Variants in NTN4 observed in about 807,000 individuals in gnomAD.
NTN4 encodes netrin-4.
NTN4 carries 32 observed loss-of-function variants against 73.6 expected under a neutral mutation model. That is an observed-to-expected ratio of 0.44 (90% CI 0.33 to 0.58). The LOEUF is 0.58. Among genes scored for constraint, NTN4 ranks in the 20% least tolerant of loss-of-function variants. The probability of loss-of-function intolerance (pLI) is 0.04; values close to 1 mark genes in which losing one functional copy is unlikely to be tolerated. For synonymous variants in NTN4, 258 were observed against 287.5 expected (o/e 0.90, Z 1.04); for missense variants, 654 against 798.3 (o/e 0.82, Z 2.18).
At chr12:95,738,382 T>A (rs1014838207) in intron 2 of NTN4, among the ~76,000 whole-genome samples, 1 of 152,148 alleles carries the variant, frequency 6.6e-6, no homozygotes, top group African/African-American at 2.4e-5. Flanking sequence ...GACCTGACCC[T>A]TGAGATAAAG....
At chr12:95,683,793 G>T in intron 5 of NTN4, 82 bp from the exon 6 acceptor site, 2 of 1,067,168 alleles carry the variant, frequency 1.9e-6, no homozygotes, top group Non-Finnish European at 2.8e-6. Flanking sequence ...TCCCCAAGTG[G>T]CTTCCCTTCA....
intron 8 of NTN4, among the ~76,000 whole-genome samples, chr12:95,668,322 A>G (rs1217689723): frequency 1.3e-5 from 2 of 152,194 alleles, no homozygotes; most frequent in Non-Finnish European, 2.9e-5. Context: ...TTGTAAATTC[A>G]GAGAGCTACC....
At chr12:95,684,223 A>G (rs1467447221) in intron 5 of NTN4, among the ~76,000 whole-genome samples, 1 of 152,142 alleles carries the variant, frequency 6.6e-6, no homozygotes, top group African/African-American at 2.4e-5. Context: ...AGTGAGAGGG[A>G]AACCCAGTGG....
At chr12:95,761,497 AT>A in intron 2 of NTN4, among the ~76,000 whole-genome samples, 1 of 151,464 alleles carries the variant, frequency 6.6e-6, no homozygotes, top group African/African-American at 2.4e-5. Flanking sequence ...TGCCCAGCTA[AT>A]TTTTTTGTAT....
At chr12:95,732,696 G>C (rs1248135865) in intron 3 of NTN4, among the ~76,000 whole-genome samples, 1 of 152,120 alleles carries the variant, frequency 6.6e-6, no homozygotes, top group African/African-American at 2.4e-5. Context: ...ACCGTACCCA[G>C]CCTGAAGAGC....
At chr12:95,749,946 TACCCCTCAACCCCTTCTCCTTCACCCTTA>T (rs2078892160) in intron 2 of NTN4, among the ~76,000 whole-genome samples, 4 of 141,154 alleles carry the variant, frequency 2.8e-5, no homozygotes, top group Non-Finnish European at 4.7e-5. Context: ...GAGGGGCAAG[TACCCCTCAACCCCTTCTCCTTCACCCTTA>T]GTGGCAAGTC....
intron 3 of NTN4, among the ~76,000 whole-genome samples, chr12:95,715,802 C>T (rs1313756598): frequency 6.6e-6 from 1 of 152,012 alleles, no homozygotes; most frequent in Non-Finnish European, 1.5e-5. Context: ...AGTGTTCTCT[C>T]TCATCATGAA....
Position 95,710,326 on chromosome 12 carries a change from G to A in NTN4, c.1180+115C>T, listed in dbSNP as rs1592678753. Reference sequence around the variant, plus strand: ...TGAAGAAATTAACCGATATCTGTGAGTGTGTTATCTCAGAACCTCAATGAC... The same window carrying A: ...TGAAGAAATTAACCGATATCTGTGAATGTGTTATCTCAGAACCTCAATGAC... On this transcript the variant is annotated intron_variant, in intron 5 of 9. Transcript: ENST00000343702. 3.4e-5 allele frequency: 26 copies of A among 760,574 alleles called. No homozygotes were observed. In the South Asian group the frequency reaches 5.6e-4, roughly 16 times the overall value. The allele number at this position is 760,574 out of a possible 1,614,324, so 47.1% of individuals were successfully genotyped here. A position where few individuals can be genotyped will look rare whatever the true frequency, so the allele number is the denominator to read the frequency against.
At chr12:95,788,146 A>G (rs4762245) in intron 1 of NTN4, among the ~76,000 whole-genome samples, 88,261 of 151,978 alleles carry the variant, frequency 0.58, 27,608 homozygotes, top group East Asian at 0.83. Flanking sequence ...CTAACATTAC[A>G]TAAACATAAC....
chr12:95,714,002 T>C (rs190371240), intron 3 of NTN4, among the ~76,000 whole-genome samples: 2 of 152,294 alleles, frequency 1.3e-5, no homozygotes, highest in African/African-American at 4.8e-5. Context: ...TTGAATGTAT[T>C]TTCTAGAAGT....
At position 95,781,603 on chromosome 12, in the gene NTN4, T is replaced by G. The variant is rs376598497; in HGVS notation, c.585+5336A>C. Among the ~76,000 whole-genome samples the G allele has an allele frequency of 5.3e-5, 8 of 152,182 alleles. No individual in the cohort carries two copies. In the South Asian group the frequency reaches 1.7e-3, roughly 32 times the overall value. ...CCTGCACATGCTGCACATGTACCCC[T>G]GCACTTAAAAGTTGGAAGAAAAAAG... On this transcript the variant is annotated intron_variant, in intron 2 of 9. Coordinates refer to ENST00000343702, the MANE Select transcript of NTN4 (RefSeq NM_021229.4). The surrounding 1 kb of genome is among the most constrained non-coding windows in gnomAD (Gnocchi z 4.1).
chr12:95,703,206 A>T (rs192876258), intron 5 of NTN4, among the ~76,000 whole-genome samples: 14 of 152,298 alleles, frequency 9.2e-5, no homozygotes, highest in Admixed American at 7.8e-4. Flanking sequence ...AGAGAGAAGA[A>T]GAAAAGGGCT....
At chr12:95,678,309 C>T (rs1230195974) in intron 7 of NTN4, among the ~76,000 whole-genome samples, 1 of 124,432 alleles carries the variant, frequency 8.0e-6, no homozygotes, top group African/African-American at 3.1e-5. Flanking sequence ...ACCTATGTAA[C>T]AAACCTGCAC....
At chr12:95,770,874 T>C (rs1300770559) in intron 2 of NTN4, among the ~76,000 whole-genome samples, 1 of 152,184 alleles carries the variant, frequency 6.6e-6, no homozygotes. Flanking sequence ...GGAAGACTTC[T>C]GCTCCTCTGC....
At chr12:95,665,280 T>A (rs2078170713) in intron 9 of NTN4, among the ~76,000 whole-genome samples, 1 of 152,180 alleles carries the variant, frequency 6.6e-6, no homozygotes, top group Non-Finnish European at 1.5e-5. Context: ...TTTTGTTTTG[T>A]TTATTTCTGC....
chr12:95,789,546 A>C lies in NTN4; in HGVS notation c.55+709T>G, dbSNP rs2079192876. ...GGCAGCCCAAGAAAGCCAGGATGGG[A>C]GTGGGAGGGAGAGGGCATCTGCCGA... is the stretch of plus-strand genomic sequence containing the variant. On this transcript the variant is annotated intron_variant, in intron 1 of 9. Coordinates refer to ENST00000343702, the MANE Select transcript of NTN4 (RefSeq NM_021229.4). This position sits in a 1 kb window ranked among gnomAD's most constrained non-coding sequence, Gnocchi z 4.0. 6.6e-6 allele frequency among the ~76,000 whole-genome samples: 1 copy of C among 152,136 alleles called. No individual in the cohort carries two copies. Among genetic ancestry groups the C allele is most frequent in the Non-Finnish European group, 1.5e-5 (1 of 68,016 alleles).
At chr12:95,721,451 G>A (rs914360733) in intron 3 of NTN4, among the ~76,000 whole-genome samples, 3 of 152,148 alleles carry the variant, frequency 2.0e-5, no homozygotes, top group African/African-American at 4.8e-5. Flanking sequence ...TTCTATCTGC[G>A]CACTGGAGAT....
intron 2 of NTN4, among the ~76,000 whole-genome samples, chr12:95,759,123 T>C (rs945690818): frequency 2.0e-5 from 3 of 152,224 alleles, no homozygotes; most frequent in African/African-American, 7.2e-5. Context: ...TTAGAAAGAC[T>C]AACGCTTCTT....
chr12:95,685,937 A>C (rs1282882774), intron 5 of NTN4, among the ~76,000 whole-genome samples: 1 of 152,168 alleles, frequency 6.6e-6, no homozygotes, highest in East Asian at 1.9e-4. Flanking sequence ...CCCAGGCTGA[A>C]GTGCAATGGC....
Sources: allele counts gnomAD v4.1 joint callset (sites outside exome capture counted in the v4.1 genomes callset), GRCh38; gene constraint gnomAD v4.1.1; non-coding constraint Gnocchi (gnomAD v3.1); transcripts MANE v1.5; gene names NCBI Gene and HGNC (gene_info 2026-07-23, HGNC 2026-07-21).